EDIL3: variants seen among roughly 807,000 people sequenced by gnomAD.
The protein encoded by EDIL3 is EGF like and discoidin domains 3, also known as EGF-like repeat and discoidin I-like domain-containing protein 3.
A neutral mutation model predicts 67.4 loss-of-function variants in EDIL3; 37 were observed. The observed-to-expected ratio is 0.55, with a 90% CI of 0.42 to 0.72. The LOEUF is 0.72. Among genes scored for constraint, EDIL3 ranks in the 30% least tolerant of loss-of-function variants. The pLI is 0.00. For synonymous variants in EDIL3, 195 were observed against 196.3 expected (o/e 0.99, Z 0.05); for missense variants, 527 against 586.3 (o/e 0.90, Z 1.04).
At chr5:84,020,091 A>AAAAAAC (rs397998462) in intron 9 of EDIL3, among the ~76,000 whole-genome samples, 1 of 147,864 alleles carries the variant, frequency 6.8e-6, no homozygotes, top group Admixed American at 6.8e-5. Context: ...AAAAAAAAAA[A>AAAAAAC]CGCAACAAAC....
chr5:84,215,367 C>T (rs1476246074), intron 3 of EDIL3, among the ~76,000 whole-genome samples: 2 of 151,984 alleles, frequency 1.3e-5, no homozygotes, highest in African/African-American at 4.8e-5. Flanking sequence ...CATTCTCCTG[C>T]CTCAGCCTCC....
chr5:84,034,369 T>A (rs887711969), intron 9 of EDIL3, among the ~76,000 whole-genome samples: 2 of 151,322 alleles, frequency 1.3e-5, no homozygotes, highest in African/African-American at 4.9e-5. Context: ...CTGTGTGTGA[T>A]TTTTTTTTAT....
chr5:83,985,260 C>G (rs1258565421), intron 9 of EDIL3, among the ~76,000 whole-genome samples: 1 of 151,840 alleles, frequency 6.6e-6, no homozygotes, highest in Non-Finnish European at 1.5e-5. Flanking sequence ...AGGCATTGCA[C>G]TAGATTTCTG....
rs565010771 is a variant in EDIL3 at position 84,268,445 on chromosome 5, A to G, written c.68-14233T>C. Reference sequence around the variant, plus strand: ...AAATGGTTAATCACTGAAAATTTAAAGCATACATATTTAAAATGACACAGC... The same window carrying G: ...AAATGGTTAATCACTGAAAATTTAAGGCATACATATTTAAAATGACACAGC... On this transcript the variant is annotated intron_variant, in intron 1 of 10. Coordinates refer to ENST00000296591, the MANE Select transcript of EDIL3 (RefSeq NM_005711.5). 3.5e-4 allele frequency among the ~76,000 whole-genome samples: 53 copies of G among 152,322 alleles called. No individual in the cohort carries two copies. The South Asian group carries it at 9.1e-3, about 26-fold the overall frequency.
chr5:83,960,988 A>G (rs1220377009), intron 10 of EDIL3, among the ~76,000 whole-genome samples: 2 of 151,072 alleles, frequency 1.3e-5, no homozygotes, highest in African/African-American at 4.8e-5. Context: ...TATTGAGTAC[A>G]AATAGGTTAA....
At chr5:84,159,246 C>T (rs1045991807) in intron 4 of EDIL3, among the ~76,000 whole-genome samples, 2 of 152,012 alleles carry the variant, frequency 1.3e-5, no homozygotes, top group Non-Finnish European at 2.9e-5. Context: ...GTTAATCCAT[C>T]TTAGGTCACT....
At position 84,060,439 on chromosome 5, in the gene EDIL3, T is replaced by TA; in HGVS notation, c.997dup (p.Tyr333LeufsTer41). 1 of 1,613,746 alleles carries TA rather than the reference T, an allele frequency of 6.2e-7. No homozygotes were observed. Among genetic ancestry groups the TA allele is most frequent in the East Asian group, 2.2e-5 (1 of 44,866 alleles). On this transcript the variant is annotated frameshift_variant, in exon 9 of 11. Transcript: ENST00000296591. LOFTEE classifies it high-confidence loss of function. ...GAAGATGCTGGAGGCAGTGATCTGA[T>TA]AGTCTTGTATATGTCCTGATTTCAT...
intron 9 of EDIL3, among the ~76,000 whole-genome samples, chr5:84,038,746 T>G (rs1182919525): frequency 2.0e-5 from 3 of 152,236 alleles, no homozygotes; most frequent in Non-Finnish European, 4.4e-5. Context: ...ATATACAAAA[T>G]AATCAGATTC....
At chr5:84,074,085 C>T (rs1200197451) in intron 6 of EDIL3, among the ~76,000 whole-genome samples, 1 of 151,978 alleles carries the variant, frequency 6.6e-6, no homozygotes, top group Non-Finnish European at 1.5e-5. Context: ...CTGAGAAAAA[C>T]AAACAATGGG....
chr5:84,187,859 ACTC>A (rs1743497806), intron 3 of EDIL3, among the ~76,000 whole-genome samples: 1 of 151,194 alleles, frequency 6.6e-6, no homozygotes, highest in Non-Finnish European at 1.5e-5. Context: ...TCTCCTTTGT[ACTC>A]CTCCTCCTTT....
At chr5:83,958,980 C>T (rs1374084944) in intron 10 of EDIL3, among the ~76,000 whole-genome samples, 1 of 151,064 alleles carries the variant, frequency 6.6e-6, no homozygotes, top group East Asian at 1.9e-4. Flanking sequence ...AGAGTGTCAT[C>T]ACAGGCTCAA....
chr5:84,226,843 T>C (rs1744461754), intron 3 of EDIL3, among the ~76,000 whole-genome samples: 1 of 151,998 alleles, frequency 6.6e-6, no homozygotes, highest in African/African-American at 2.4e-5. Flanking sequence ...TGCACATCAC[T>C]CTGGAGGAAG....
chr5:84,258,873 C>T (rs1745170590), intron 1 of EDIL3, among the ~76,000 whole-genome samples: 1 of 151,966 alleles, frequency 6.6e-6, no homozygotes, highest in Admixed American at 6.6e-5. Context: ...GGCAGTAGCA[C>T]CTCAGGTAAG....
intron 4 of EDIL3, among the ~76,000 whole-genome samples, chr5:84,140,375 G>A (rs530166365): frequency 2.0e-4 from 30 of 152,168 alleles, no homozygotes; most frequent in African/African-American, 6.7e-4. Context: ...TACTATTAAC[G>A]ATACAAAGAC....
At chr5:83,966,537 A>G (rs556025123) in intron 9 of EDIL3, among the ~76,000 whole-genome samples, 2 of 152,058 alleles carry the variant, frequency 1.3e-5, no homozygotes, top group South Asian at 4.1e-4. Flanking sequence ...ATCCTCTCCA[A>G]TCTTAAGGAA....
chr5:84,000,995 G>T (rs932432622), intron 9 of EDIL3, among the ~76,000 whole-genome samples: 3 of 151,788 alleles, frequency 2.0e-5, no homozygotes, highest in Non-Finnish European at 4.4e-5. Context: ...GTACTAAGAG[G>T]AAAGTTTATA....
At chr5:84,208,506 C>A (rs1306290235) in intron 3 of EDIL3, among the ~76,000 whole-genome samples, 12 of 150,834 alleles carry the variant, frequency 8.0e-5, no homozygotes, top group African/African-American at 2.9e-4. Context: ...GGTGAAACCC[C>A]GTCTCTACCA....
chr5:84,196,614 C>T (rs1213618042), intron 3 of EDIL3, among the ~76,000 whole-genome samples: 1 of 151,972 alleles, frequency 6.6e-6, no homozygotes, highest in African/African-American at 2.4e-5. Context: ...GTTTTGTTCA[C>T]TGATATATCT....
intron 1 of EDIL3, among the ~76,000 whole-genome samples, chr5:84,338,253 G>A (rs1252529644): frequency 2.6e-5 from 4 of 152,088 alleles, no homozygotes; most frequent in Non-Finnish European, 5.9e-5. Flanking sequence ...ACTAAATTTG[G>A]CTGTCCCTCT....
Sources: gnomAD v4.1 joint callset for allele counts (sites outside exome capture counted in the v4.1 genomes callset) on GRCh38, gnomAD v4.1.1 for gene constraint, MANE v1.5 for transcripts, NCBI Gene and HGNC (gene_info 2026-07-23, HGNC 2026-07-21) for gene names.